The following FGGY variants were observed in gnomAD, a reference collection of about 807,000 sequenced individuals.
FGGY encodes FGGY carbohydrate kinase domain containing, also known as FGGY carbohydrate kinase domain-containing protein.
FGGY carries 72 observed loss-of-function variants against 71.3 expected under a neutral mutation model. That is an observed-to-expected ratio of 1.01 (90% CI 0.84 to 1.23). The LOEUF is 1.23. Ranked by LOEUF, FGGY falls within the 50% of genes most tolerant of loss-of-function variation. FGGY has a pLI of 0.00. For synonymous variants in FGGY, 251 were observed against 250.3 expected (o/e 1.00, Z -0.02); for missense variants, 668 against 682.3 (o/e 0.98, Z 0.23).
In FGGY at chr1:59,633,215, T is replaced by C. The variant is rs2153874530; in HGVS notation, c.1074-5013T>C. On this transcript the variant is annotated intron_variant, in intron 10 of 15. Coordinates refer to ENST00000303721, the MANE Select transcript of FGGY (RefSeq NM_018291.5). ...TTAGTAGAGACGGGGTTTCACCGTG[T>C]TAGCCAGGATGGTCTCGATCTCCTG... Among the ~76,000 whole-genome samples the C allele has an allele frequency of 2.6e-5, 4 of 152,236 alleles. No individual in the cohort carries two copies. In the South Asian group the frequency reaches 8.3e-4, roughly 32 times the overall value.
intron 5 of FGGY, among the ~76,000 whole-genome samples, chr1:59,429,498 C>G (rs1395975581): frequency 6.6e-6 from 1 of 152,128 alleles, no homozygotes; most frequent in Non-Finnish European, 1.5e-5. Context: ...AAATACAACC[C>G]TCAAATGGTA....
intron 8 of FGGY, among the ~76,000 whole-genome samples, chr1:59,606,969 A>C (rs939199968): frequency 6.6e-6 from 1 of 152,230 alleles, no homozygotes; most frequent in Admixed American, 6.5e-5. Flanking sequence ...CCCAGCACCC[A>C]ATAGGGGGAC....
chr1:59,457,517 G>T (rs145705118), intron 6 of FGGY, among the ~76,000 whole-genome samples: 1 of 152,060 alleles, frequency 6.6e-6, no homozygotes, highest in African/African-American at 2.4e-5. Flanking sequence ...AGGCTGAGGT[G>T]GGGGGATTGC....
chr1:59,724,141 CA>C (rs373811089), intron 14 of FGGY, among the ~76,000 whole-genome samples: 24 of 151,440 alleles, frequency 1.6e-4, no homozygotes, highest in African/African-American at 5.6e-4. Context: ...CCAGCCTGGA[CA>C]ACAGAGCAAG....
At chr1:59,463,828 A>G (rs781241600) in intron 6 of FGGY, among the ~76,000 whole-genome samples, 9 of 152,216 alleles carry the variant, frequency 5.9e-5, no homozygotes, top group African/African-American at 1.9e-4. Context: ...TCCTAAATAC[A>G]TATGTGCCCA....
chr1:59,480,732 T>C (rs774266128), intron 6 of FGGY, among the ~76,000 whole-genome samples: 3 of 152,136 alleles, frequency 2.0e-5, no homozygotes, highest in Non-Finnish European at 4.4e-5. Context: ...AGTTTAGTGC[T>C]GAGCAATATG....
intron 11 of FGGY, among the ~76,000 whole-genome samples, chr1:59,652,978 A>T (rs1311512231): frequency 6.6e-6 from 1 of 151,898 alleles, no homozygotes; most frequent in Non-Finnish European, 1.5e-5. Context: ...AACAGACAGG[A>T]CCCTCAGCTG....
At chr1:59,581,744 T>G in intron 8 of FGGY, among the ~76,000 whole-genome samples, 1 of 149,982 alleles carries the variant, frequency 6.7e-6, no homozygotes, top group East Asian at 1.9e-4. Flanking sequence ...AAATGCATTG[T>G]TATCCCTTAG....
At chr1:59,459,583 G>A (rs2092000694) in intron 6 of FGGY, among the ~76,000 whole-genome samples, 1 of 152,182 alleles carries the variant, frequency 6.6e-6, no homozygotes, top group Non-Finnish European at 1.5e-5. Context: ...TGTGTTCAAT[G>A]AAATGATCCA....
At chr1:59,426,300 G>A (rs1045040519) in intron 5 of FGGY, among the ~76,000 whole-genome samples, 1 of 152,142 alleles carries the variant, frequency 6.6e-6, no homozygotes, top group East Asian at 1.9e-4. Flanking sequence ...ATGGATTGGG[G>A]CAGAGGAATT....
intron 4 of FGGY, 121 bp downstream of exon 4, chr1:59,346,519 G>A (rs1411513111): frequency 9.0e-7 from 1 of 1,113,696 alleles, no homozygotes; most frequent in Admixed American, 2.6e-5. Context: ...CAGCAACTAG[G>A]AGGAAGGTTG....
intron 6 of FGGY, among the ~76,000 whole-genome samples, chr1:59,497,864 G>A (rs1405051680): frequency 6.6e-6 from 1 of 152,172 alleles, no homozygotes; most frequent in East Asian, 1.9e-4. Flanking sequence ...CGTTGTTTCA[G>A]AATACTCTCA....
intron 4 of FGGY, among the ~76,000 whole-genome samples, chr1:59,375,097 CAAA>C (rs11290884): frequency 2.2e-5 from 3 of 138,012 alleles, no homozygotes; most frequent in Admixed American, 7.3e-5. Flanking sequence ...TAGTTTTCAT[CAAA>C]AAAAAAAAAA....
chr1:59,568,112 C>T (rs530231230), intron 8 of FGGY, among the ~76,000 whole-genome samples: 8 of 152,154 alleles, frequency 5.3e-5, no homozygotes, highest in South Asian at 2.1e-4. Context: ...CACCTGTAAT[C>T]GTGCATACTA....
At chr1:59,674,168 C>T (rs1184795131) in intron 14 of FGGY, 35 bp downstream of exon 14, 2 of 1,548,676 alleles carry the variant, frequency 1.3e-6, no homozygotes, top group South Asian at 1.1e-5. Context: ...TGTGGCTCCT[C>T]CCCTGTCTGA....
At chr1:59,735,615 A>C (rs1489733399) in intron 14 of FGGY, among the ~76,000 whole-genome samples, 2 of 152,102 alleles carry the variant, frequency 1.3e-5, no homozygotes, top group Non-Finnish European at 2.9e-5. Flanking sequence ...GGCAGCTATG[A>C]CTCCTGTTTT....
rs538332216 is a variant in FGGY at position 59,365,300 on chromosome 1, T to C, written c.466-13449T>C. On this transcript the variant is annotated intron_variant, in intron 4 of 15. Coordinates refer to ENST00000303721, the MANE Select transcript of FGGY (RefSeq NM_018291.5). ...GCCCATGAAGGAGACAGAAAAGCACTGATGAGAAGGGCGTGAGAAGGTCCC... is the reference window on the plus strand; with the variant it reads ...GCCCATGAAGGAGACAGAAAAGCACCGATGAGAAGGGCGTGAGAAGGTCCC... Among the ~76,000 whole-genome samples the C allele has an allele frequency of 7.2e-5, 11 of 152,274 alleles. No individual in the cohort carries two copies. In the East Asian group the frequency reaches 1.5e-3, roughly 21 times the overall value.
At chr1:59,329,387 A>C (rs1290041039) in intron 2 of FGGY, among the ~76,000 whole-genome samples, 2 of 152,272 alleles carry the variant, frequency 1.3e-5, no homozygotes, top group African/African-American at 4.8e-5. Flanking sequence ...CTGTTGGAAA[A>C]ATGGCAGCAA....
At chr1:59,374,186 T>A (rs560519081) in intron 4 of FGGY, among the ~76,000 whole-genome samples, 62 of 152,074 alleles carry the variant, frequency 4.1e-4, no homozygotes, top group African/African-American at 1.3e-3. Flanking sequence ...GAATCTACAA[T>A]GAACTCAAAC....
Sources: gnomAD v4.1 joint callset for allele counts (sites outside exome capture counted in the v4.1 genomes callset) on GRCh38, gnomAD v4.1.1 for gene constraint, MANE v1.5 for transcripts, NCBI Gene and HGNC (gene_info 2026-07-23, HGNC 2026-07-21) for gene names.